The following KIAA0586 variants were observed in gnomAD, a reference collection of about 807,000 sequenced individuals.
KIAA0586 encodes protein TALPID3.
Under a neutral mutation model 169.8 loss-of-function variants are expected in KIAA0586, and 144 were observed. The observed-to-expected ratio is 0.85, with a 90% CI of 0.74 to 0.97. The LOEUF (loss-of-function observed/expected upper bound fraction) is 0.97, where lower values mean the gene tolerates loss of function less well. KIAA0586 is among the 50% of genes least tolerant of loss of function. The pLI is 0.00. For synonymous variants in KIAA0586, 625 were observed against 612.4 expected, an observed-to-expected ratio of 1.02 and a Z score of -0.30; for missense variants, 1,854 against 1,823.0, an observed-to-expected ratio of 1.02 and a Z score of -0.31.
Position 58,474,795 on chromosome 14 carries a change from A to G in KIAA0586, c.2823A>G (p.Gln941=), listed in dbSNP as rs776447854. ...AAACACTGGAAAATAGCTTAATTCA[A>G]TGGTAAGTTTATAATGTTTTTGGTA... The part of the protein sequence containing the change: ...RKETLENSLI[Q]WVEQEIMSRI... The change falls in exon 19 of 31, where the codon CAA becomes CAG. Residue 941 remains glutamine, a splice_region_variant and synonymous_variant. Transcript: ENST00000652326. 5 of 1,588,902 alleles carry G rather than the reference A, an allele frequency of 3.1e-6. No individual in the cohort carries two copies. The South Asian group carries it at 3.4e-5, about 11-fold the overall frequency.
chr14:58,521,736 CAG>C (rs2045244555), intron 29 of KIAA0586: 2 of 830,550 alleles, frequency 2.4e-6, no homozygotes, highest in Non-Finnish European at 4.2e-6. Context: ...TGAAAAGGAA[CAG>C]GGGAAACAAG....
chr14:58,540,588 G>A (rs1267898165), intron 30 of KIAA0586, among the ~76,000 whole-genome samples: 17 of 151,954 alleles, frequency 1.1e-4, no homozygotes, highest in Non-Finnish European at 1.0e-4. Context: ...TACAGGTGTC[G>A]GAACATTTAT....
rs534739949 is a variant in KIAA0586 at position 58,502,501 on chromosome 14, T to C, written c.4168+3541T>C. On this transcript the variant is annotated intron_variant, in intron 27 of 30. Transcript: ENST00000652326. The stretch of plus-strand genomic sequence containing the variant: ...TGCCATCACTTCTGTCATATTCCAT[T>C]GATAACACAGACCAATCATGGAACA... 3.9e-5 allele frequency among the ~76,000 whole-genome samples: 6 copies of C among 152,280 alleles called. No individual in the cohort carries two copies. The South Asian group carries it at 1.2e-3, about 32-fold the overall frequency.
intron 30 of KIAA0586, chr14:58,543,813 C>T (rs2046813065): frequency 7.0e-6 from 3 of 429,208 alleles, no homozygotes; most frequent in South Asian, 5.2e-5. Context: ...AGATCCGTCT[C>T]CCGTCTCTCT....
intron 29 of KIAA0586, among the ~76,000 whole-genome samples, chr14:58,515,952 G>T (rs1231446715): frequency 6.6e-6 from 1 of 151,996 alleles, no homozygotes; most frequent in Non-Finnish European, 1.5e-5. Context: ...AGCTTCTGAT[G>T]CAGAGCAACT....
intron 3 of KIAA0586, among the ~76,000 whole-genome samples, chr14:58,431,153 C>T (rs2037333351): frequency 6.6e-6 from 1 of 152,112 alleles, no homozygotes; most frequent in African/African-American, 2.4e-5. Flanking sequence ...ATTAGTTTTT[C>T]TTCCCAAATT....
chr14:58,458,244 A>G (rs896729377), intron 11 of KIAA0586, among the ~76,000 whole-genome samples: 2 of 152,150 alleles, frequency 1.3e-5, no homozygotes, highest in Non-Finnish European at 2.9e-5. Context: ...TCAAACATTT[A>G]TCCTTCAAAT....
chr14:58,488,534 CAT>C, intron 23 of KIAA0586, 85 bp from the exon 24 acceptor site: 4 of 1,444,432 alleles, frequency 2.8e-6, no homozygotes, highest in Non-Finnish European at 3.8e-6. Flanking sequence ...CTAAAGGAGA[CAT>C]AGTCTTCGAG....
downstream of KIAA0586, among the ~76,000 whole-genome samples, chr14:58,556,217 G>A (rs372956078): frequency 6.4e-4 from 98 of 152,318 alleles, no homozygotes; most frequent in African/African-American, 2.2e-3. Flanking sequence ...CCAAGTCAGA[G>A]GCATTCATTC....
chr14:58,529,491 G>C (rs772252974), intron 29 of KIAA0586, among the ~76,000 whole-genome samples: 9 of 152,088 alleles, frequency 5.9e-5, no homozygotes, highest in Non-Finnish European at 1.3e-4. Context: ...AGCAGCACAT[G>C]AAAAAGCTTA....
At chr14:58,546,963 T>A (rs1359382148) in intron 30 of KIAA0586, among the ~76,000 whole-genome samples, 1 of 152,164 alleles carries the variant, frequency 6.6e-6, no homozygotes, top group Non-Finnish European at 1.5e-5. Context: ...AGTATGTTTT[T>A]CCTCTGACAT....
intron 27 of KIAA0586, among the ~76,000 whole-genome samples, chr14:58,500,023 A>G (rs897263557): frequency 1.3e-5 from 2 of 152,242 alleles, no homozygotes; most frequent in African/African-American, 4.8e-5. Context: ...TAGAATTTAA[A>G]TAAACTTTCT....
At chr14:58,429,330 A>G in intron 1 of KIAA0586, 33 bp from the exon 2 acceptor site, 1 of 1,316,632 alleles carries the variant, frequency 7.6e-7, no homozygotes, top group Non-Finnish European at 1.1e-6. Flanking sequence ...TCTGATTTTA[A>G]AATCACTAAA....
intron 29 of KIAA0586, among the ~76,000 whole-genome samples, chr14:58,514,501 T>C (rs993120332): frequency 1.3e-5 from 2 of 152,030 alleles, no homozygotes; most frequent in Non-Finnish European, 2.9e-5. Context: ...TGTAGTAGTT[T>C]AATATATGTC....
At position 58,461,064 on chromosome 14, in the gene KIAA0586, C is replaced by T. The variant is rs748298094; in HGVS notation, c.1963C>T (p.His655Tyr). The T allele has an allele frequency of 6.8e-6, 11 of 1,611,176 alleles. No individual in the cohort carries two copies. Among genetic ancestry groups the T allele is most frequent in the African/African-American group, 1.3e-5 (1 of 74,686 alleles). Residue 655 changes from histidine (H) to tyrosine (Y), a missense_variant, in exon 14 of 31, where the codon CAT becomes TAT. By Grantham distance (83) the His-to-Tyr change is moderately conservative (BLOSUM62 2). Coordinates refer to ENST00000652326, the MANE Select transcript of KIAA0586 (RefSeq NM_001329943.3). ...CTATGGAAAGCCAGTTTATCAGGGC[C>T]ATCGAAGCACTCTTAAAAAAGGACC... ...QVYGKPVYQG[H>Y]RSTLKKGPYL... is the part of the protein sequence containing the mutation.
chr14:58,554,985 T>G (rs186895650), downstream of KIAA0586, among the ~76,000 whole-genome samples: 55 of 152,260 alleles, frequency 3.6e-4, no homozygotes, highest in Admixed American at 1.9e-3. Flanking sequence ...AGGACTGTTA[T>G]GGTGAAATGA....
chr14:58,544,272 A>G (rs1343712693), intron 30 of KIAA0586, among the ~76,000 whole-genome samples: 1 of 152,082 alleles, frequency 6.6e-6, no homozygotes, highest in Admixed American at 6.5e-5. Flanking sequence ...TTTGTCATCC[A>G]TGGGCATTTA....
chr14:58,456,849 G>A, intron 10 of KIAA0586, 39 bp downstream of exon 10: 1 of 1,056,672 alleles, frequency 9.5e-7, no homozygotes, highest in African/African-American at 1.6e-5. Context: ...GATTAGTTAA[G>A]ATAAAAATTA....
At chr14:58,537,031 G>GT in intron 29 of KIAA0586, 1 of 1,271,314 alleles carries the variant, frequency 7.9e-7, no homozygotes, top group Non-Finnish European at 1.0e-6. Flanking sequence ...ATAAAGAATT[G>GT]TAAGAACTGA....
Sources: gnomAD v4.1 joint callset for allele counts (sites outside exome capture counted in the v4.1 genomes callset) on GRCh38, gnomAD v4.1.1 for gene constraint, MANE v1.5 for transcripts, NCBI Gene and HGNC (gene_info 2026-07-23, HGNC 2026-07-21) for gene names.